PAK5: variants seen among roughly 807,000 people sequenced by gnomAD.
The protein encoded by PAK5 is p21 (RAC1) activated kinase 5, also known as serine/threonine-protein kinase PAK 5.
In PAK5, 16 loss-of-function variants were observed where a neutral mutation model predicts 65.9. That is an observed-to-expected ratio of 0.24 (90% CI 0.16 to 0.37). PAK5 has a LOEUF of 0.37. PAK5 is among the 10% of genes least tolerant of loss of function. The probability of loss-of-function intolerance (pLI) is 1.00; values close to 1 mark genes in which losing one functional copy is unlikely to be tolerated. For missense variants in PAK5, 785 were observed against 903.9 expected, an observed-to-expected ratio of 0.87 and a Z score of 1.69; for synonymous variants, 371 against 354.9, an observed-to-expected ratio of 1.05 and a Z score of -0.51.
chr20:9,657,716 G>C (rs572588200), intron 2 of PAK5, among the ~76,000 whole-genome samples: 1 of 152,244 alleles, frequency 6.6e-6, no homozygotes, highest in South Asian at 2.1e-4. Flanking sequence ...ATATTGGGTT[G>C]GGAATGCTTT....
At chr20:9,661,006 G>C (rs2047338698) in intron 2 of PAK5, among the ~76,000 whole-genome samples, 4 of 152,108 alleles carry the variant, frequency 2.6e-5, no homozygotes, top group Admixed American at 2.6e-4. Flanking sequence ...CTGAGGGGTG[G>C]TGCAGGGAGA....
intron 1 of PAK5, among the ~76,000 whole-genome samples, chr20:9,769,796 G>A (rs1222943860): frequency 6.6e-6 from 1 of 152,136 alleles, no homozygotes; most frequent in Admixed American, 6.6e-5. Flanking sequence ...CTTTTAATCA[G>A]TGTTAAACCA....
chr20:9,640,053 T>A, intron 3 of PAK5, among the ~76,000 whole-genome samples: 1 of 152,094 alleles, frequency 6.6e-6, no homozygotes. Context: ...AGCTAGAATG[T>A]TTATTATTTT....
chr20:9,834,322 A>G (rs548032976), intron 1 of PAK5, among the ~76,000 whole-genome samples: 1 of 152,302 alleles, frequency 6.6e-6, no homozygotes, highest in South Asian at 2.1e-4. Flanking sequence ...TCAAAACTAC[A>G]AAAAGGGCTC....
chr20:9,812,704 T>C (rs542296814), intron 1 of PAK5, among the ~76,000 whole-genome samples: 3 of 152,274 alleles, frequency 2.0e-5, no homozygotes, highest in East Asian at 1.9e-4. Flanking sequence ...GATGAATGGA[T>C]AAACAAATTA....
At chr20:9,664,641 A>G (rs899156625) in intron 2 of PAK5, among the ~76,000 whole-genome samples, 12 of 152,120 alleles carry the variant, frequency 7.9e-5, no homozygotes, top group African/African-American at 2.9e-4. Flanking sequence ...TGTGGTTTTT[A>G]ATTATTTCGC....
At chr20:9,704,026 C>A (rs1322530218) in intron 2 of PAK5, among the ~76,000 whole-genome samples, 2 of 152,148 alleles carry the variant, frequency 1.3e-5, no homozygotes, top group African/African-American at 4.8e-5. Context: ...CGCCTGTCTT[C>A]CAGGGTGGTT....
intron 2 of PAK5, among the ~76,000 whole-genome samples, chr20:9,646,822 A>T (rs566241825): frequency 2.6e-5 from 4 of 152,298 alleles, no homozygotes; most frequent in Admixed American, 2.6e-4. Flanking sequence ...CTGCTGGAAG[A>T]TGAGGGGCTG....
intron 1 of PAK5, among the ~76,000 whole-genome samples, chr20:9,720,645 T>C (rs2048202905): frequency 6.6e-6 from 1 of 152,172 alleles, no homozygotes; most frequent in Non-Finnish European, 1.5e-5. Flanking sequence ...AACAGAAATG[T>C]AGTATAGGAA....
At chr20:9,837,195 T>A (rs1979217465) in intron 1 of PAK5, among the ~76,000 whole-genome samples, 1 of 152,252 alleles carries the variant, frequency 6.6e-6, no homozygotes, top group Admixed American at 6.5e-5. Context: ...GCCATTGGCT[T>A]ATATTGCTTC....
intron 1 of PAK5, among the ~76,000 whole-genome samples, chr20:9,786,644 ATGTC>A (rs1337297377): frequency 2.0e-4 from 31 of 152,246 alleles, no homozygotes; most frequent in African/African-American, 7.2e-4. Context: ...TCATGATTTT[ATGTC>A]ATACCGTTAT....
chr20:9,671,226 C>T (rs1202414331), intron 2 of PAK5, among the ~76,000 whole-genome samples: 3 of 152,118 alleles, frequency 2.0e-5, no homozygotes, highest in Admixed American at 2.0e-4. Flanking sequence ...CAGCTTTGTT[C>T]TTTTGGCTTA....
chr20:9,806,622 C>G (rs1443882019), intron 1 of PAK5, among the ~76,000 whole-genome samples: 3 of 152,156 alleles, frequency 2.0e-5, no homozygotes, highest in Non-Finnish European at 4.4e-5. Flanking sequence ...GCTACCTTCT[C>G]TTTTCACTAA....
chr20:9,659,715 G>C (rs1375938621), intron 2 of PAK5, among the ~76,000 whole-genome samples: 1 of 152,132 alleles, frequency 6.6e-6, no homozygotes, highest in African/African-American at 2.4e-5. Context: ...TACAATTTTA[G>C]ATAAAAAATC....
intron 1 of PAK5, among the ~76,000 whole-genome samples, chr20:9,795,140 T>G (rs1460843804): frequency 6.6e-6 from 1 of 152,052 alleles, no homozygotes; most frequent in Admixed American, 6.6e-5. Context: ...GAGGAACACA[T>G]TAGTAGGCCA....
chr20:9,771,993 G>A (rs910629636), intron 1 of PAK5, among the ~76,000 whole-genome samples: 4 of 152,096 alleles, frequency 2.6e-5, no homozygotes, highest in Non-Finnish European at 5.9e-5. Flanking sequence ...AACAGAGATC[G>A]CACCACTGCA....
chr20:9,599,894 C>T (rs1196789171), intron 3 of PAK5, among the ~76,000 whole-genome samples: 1 of 152,016 alleles, frequency 6.6e-6, no homozygotes, highest in Non-Finnish European at 1.5e-5. Context: ...GGTGCTTGCG[C>T]TTTTGGTGTA....
rs779554044 is a variant in PAK5, at chr20:9,563,016, G to T, written c.1491C>A (p.Ile497=). ...RRELLFNEVV[I]MRDYHHDNVV... is the part of the protein sequence containing the mutation. ...CATTGTCATGGTGGTAATCCCGCAT[G>T]ATCACGACCTGGGGAAACGGGAAAT... is the stretch of plus-strand genomic sequence containing the variant. Residue 497 remains isoleucine (I), a synonymous_variant, in exon 6 of 10, where the codon ATC becomes ATA. Coordinates refer to ENST00000353224, the MANE Select transcript of PAK5 (RefSeq NM_177990.4). 1.2e-6 allele frequency: 2 copies of T among 1,612,940 alleles called. No individual in the cohort carries two copies. Among genetic ancestry groups the T allele is most frequent in the Admixed American group, 3.3e-5 (2 of 59,826 alleles).
At chr20:9,626,758 A>C (rs1185179649) in intron 3 of PAK5, among the ~76,000 whole-genome samples, 1 of 151,970 alleles carries the variant, frequency 6.6e-6, no homozygotes, top group Admixed American at 6.6e-5. Context: ...TTACCTAATA[A>C]ATGGAATGGC....
Sources: gnomAD v4.1 joint callset for allele counts (sites outside exome capture counted in the v4.1 genomes callset) on GRCh38, gnomAD v4.1.1 for gene constraint, MANE v1.5 for transcripts, NCBI Gene and HGNC (gene_info 2026-07-23, HGNC 2026-07-21) for gene names.